Variants in C6 observed in about 807,000 individuals in gnomAD.
C6 encodes complement C6, also known as complement component C6.
Under a neutral mutation model 112.9 loss-of-function variants are expected in C6, and 101 were observed. That is an observed-to-expected ratio of 0.89 (90% CI 0.76 to 1.06). C6 has a LOEUF of 1.06. C6 is among the 50% of genes least tolerant of loss of function. The probability of loss-of-function intolerance (pLI) is 0.00; values close to 1 mark genes in which losing one functional copy is unlikely to be tolerated. For synonymous variants in C6, 431 were observed against 384.1 expected (o/e 1.12, Z -1.43); for missense variants, 1,202 against 1,104.6 (o/e 1.09, Z -1.25).
chr5:41,171,384 C>T (rs1245975527), intron 9 of C6, among the ~76,000 whole-genome samples: 1 of 152,124 alleles, frequency 6.6e-6, no homozygotes, highest in African/African-American at 2.4e-5. Flanking sequence ...TCCTTATAAA[C>T]ACCATGTCAC....
rs1017395568 is a variant in C6 at position 41,155,987 on chromosome 5, C to T, written c.1969-883G>A. Among the ~76,000 whole-genome samples, 5 of 151,790 alleles carry T rather than the reference C, an allele frequency of 3.3e-5. No homozygotes were observed. In the South Asian group the frequency reaches 8.4e-4, roughly 25 times the overall value. The stretch of plus-strand genomic sequence containing the variant: ...TAACCCATTGGTCATTATATATTTT[C>T]CCAATTAATGGATTGTACAACTACC... On this transcript the variant is annotated intron_variant, in intron 13 of 17. Coordinates refer to ENST00000337836, the MANE Select transcript of C6 (RefSeq NM_000065.5).
chr5:41,155,910 G>T (rs1320075828), intron 13 of C6, among the ~76,000 whole-genome samples: 1 of 152,028 alleles, frequency 6.6e-6, no homozygotes, highest in East Asian at 1.9e-4. Flanking sequence ...AACATATGCA[G>T]TTGCTATTAT....
chr5:41,161,977 C>A, intron 9 of C6, 118 bp from the exon 10 acceptor site: 1 of 944,104 alleles, frequency 1.1e-6, no homozygotes, highest in Non-Finnish European at 1.6e-6. Context: ...GTATGTAGCT[C>A]CATTAAGAAA....
intron 1 of C6, among the ~76,000 whole-genome samples, chr5:41,243,302 C>A (rs1294783894): frequency 6.6e-6 from 1 of 152,156 alleles, no homozygotes; most frequent in African/African-American, 2.4e-5. Context: ...ATCTATTAAA[C>A]ATTTTTATTG....
chr5:41,195,711 C>A, intron 5 of C6, 81 bp downstream of exon 5: 1 of 1,396,672 alleles, frequency 7.2e-7, no homozygotes, highest in African/African-American at 1.4e-5. Flanking sequence ...GGAAGATGGA[C>A]AATGATGTAT....
intron 13 of C6, among the ~76,000 whole-genome samples, chr5:41,155,868 C>T (rs1389403384): frequency 6.6e-6 from 1 of 151,950 alleles, no homozygotes; most frequent in Non-Finnish European, 1.5e-5. Context: ...TGACTATAAA[C>T]TGAATAAATA....
At chr5:41,158,022 T>C (rs1008491707) in intron 13 of C6, among the ~76,000 whole-genome samples, 1 of 152,130 alleles carries the variant, frequency 6.6e-6, no homozygotes, top group African/African-American at 2.4e-5. Flanking sequence ...TGGGAAAAGA[T>C]TAATGTAAAG....
chr5:41,194,442 A>G (rs762738799), intron 5 of C6, among the ~76,000 whole-genome samples: 2 of 152,080 alleles, frequency 1.3e-5, no homozygotes, highest in African/African-American at 2.4e-5. Context: ...TTTCAGACTA[A>G]TGGTTTTTCC....
At chr5:41,217,438 G>A (rs922844530), upstream of C6, among the ~76,000 whole-genome samples, 1 of 152,102 alleles carries the variant, frequency 6.6e-6, no homozygotes, top group Non-Finnish European at 1.5e-5. Flanking sequence ...CACACAAAGA[G>A]TTTGTGAGAA....
chr5:41,200,508 A>G, intron 3 of C6, among the ~76,000 whole-genome samples: 1 of 152,206 alleles, frequency 6.6e-6, no homozygotes, highest in Non-Finnish European at 1.5e-5. Context: ...ACTTAACCCC[A>G]AATGAGCAAT....
intron 3 of C6, 24 bp downstream of exon 3, chr5:41,201,534 C>T: frequency 6.2e-7 from 1 of 1,611,582 alleles, no homozygotes; most frequent in Non-Finnish European, 8.5e-7. Flanking sequence ...TTCATATTTC[C>T]TGGAAATGCC....
At chr5:41,256,443 T>C (rs374927494) in intron 1 of C6, among the ~76,000 whole-genome samples, 3 of 122,908 alleles carry the variant, frequency 2.4e-5, no homozygotes, top group Non-Finnish European at 4.9e-5. Flanking sequence ...AAAAAAAAAG[T>C]AAAAAAAAAA....
Position 41,172,262 on chromosome 5 carries a change from A to G in C6, c.1254T>C (p.His418=), listed in dbSNP as rs749926761. 27 of 1,613,706 alleles carry G rather than the reference A, an allele frequency of 1.7e-5. No individual in the cohort carries two copies. Among genetic ancestry groups the G allele is most frequent in the Non-Finnish European group, 2.2e-5 (26 of 1,179,680 alleles). The change falls in exon 9 of 18, where the codon CAT becomes CAC. Residue 418 remains histidine, a synonymous_variant. Coordinates refer to ENST00000337836, the MANE Select transcript of C6 (RefSeq NM_000065.5). ...CTGACAGCTTGTTGGTGGTGCACCT[A>G]TGTTCCACTTTTGTTTTCTTAGCAA... ...VLFAKKTKVE[H]RCTTNKLSEK...
chr5:41,206,816 A>G (rs1301432001), intron 1 of C6, among the ~76,000 whole-genome samples: 2 of 152,242 alleles, frequency 1.3e-5, no homozygotes, highest in African/African-American at 4.8e-5. Flanking sequence ...GATATTATCC[A>G]GGAGAACTTC....
intron 1 of C6, among the ~76,000 whole-genome samples, chr5:41,204,068 C>T (rs1214178910): frequency 6.6e-6 from 1 of 152,244 alleles, no homozygotes; most frequent in East Asian, 1.9e-4. Context: ...CCATACCCAC[C>T]CCGTTATTGC....
chr5:41,234,353 T>TTG (rs1740108576), intron 1 of C6, among the ~76,000 whole-genome samples: 2 of 138,672 alleles, frequency 1.4e-5, no homozygotes, highest in African/African-American at 6.5e-5. Context: ...TTTTTTTGTT[T>TTG]TTTGTTTTTT....
intron 17 of C6, among the ~76,000 whole-genome samples, chr5:41,144,136 C>T (rs373045132): frequency 6.6e-6 from 1 of 152,178 alleles, no homozygotes; most frequent in Non-Finnish European, 1.5e-5. Flanking sequence ...GTTCTTTCTC[C>T]TATGTCATCT....
intron 4 of C6, among the ~76,000 whole-genome samples, chr5:41,196,963 C>T (rs1300248284): frequency 6.6e-6 from 1 of 152,060 alleles, no homozygotes; most frequent in Non-Finnish European, 1.5e-5. Context: ...ATGATGTTGG[C>T]ATCTGTACCA....
At chr5:41,247,605 C>T (rs924687774) in intron 1 of C6, among the ~76,000 whole-genome samples, 15 of 151,428 alleles carry the variant, frequency 9.9e-5, no homozygotes, top group Non-Finnish European at 1.9e-4. Context: ...GTAGTCCCAG[C>T]TACTCAGGAG....
Sources: gnomAD v4.1 joint callset for allele counts (sites outside exome capture counted in the v4.1 genomes callset) on GRCh38, gnomAD v4.1.1 for gene constraint, MANE v1.5 for transcripts, NCBI Gene and HGNC (gene_info 2026-07-23, HGNC 2026-07-21) for gene names.